Variants in DAB1 observed in about 807,000 individuals in gnomAD.
The protein encoded by DAB1 is disabled homolog 1.
A neutral mutation model predicts 64.6 loss-of-function variants in DAB1; 15 were observed. The ratio of observed to expected loss-of-function variants is 0.23; its 90% CI spans 0.16 to 0.36. DAB1 has a LOEUF of 0.36. Ranked by LOEUF, DAB1 falls within the 10% of genes least tolerant of loss-of-function variation. The pLI is 1.00. For missense variants in DAB1, 596 were observed against 706.7 expected (o/e 0.84, Z 1.78); for synonymous variants, 235 against 251.9 (o/e 0.93, Z 0.64).
intron 1 of DAB1, among the ~76,000 whole-genome samples, chr1:57,293,198 A>G (rs956379117): frequency 1.3e-5 from 2 of 152,004 alleles, no homozygotes; most frequent in South Asian, 4.2e-4. Context: ...CTATCTTTCT[A>G]TGGAATCTCT....
chr1:57,746,622 T>C (rs1028497708), intron 6 of DAB1, among the ~76,000 whole-genome samples: 3 of 152,220 alleles, frequency 2.0e-5, no homozygotes, highest in Non-Finnish European at 4.4e-5. Context: ...TCAAATCCTT[T>C]ATATAAAATG....
At chr1:58,367,667 C>T (rs961090860) in intron 3 of DAB1, among the ~76,000 whole-genome samples, 3 of 152,148 alleles carry the variant, frequency 2.0e-5, no homozygotes, top group Non-Finnish European at 4.4e-5. Flanking sequence ...GGTTTGCCTT[C>T]CTTTCCCACA....
chr1:58,122,741 G>T (rs1652827784), intron 5 of DAB1, among the ~76,000 whole-genome samples: 2 of 152,232 alleles, frequency 1.3e-5, no homozygotes, highest in Non-Finnish European at 1.5e-5. Context: ...TCATGTCTTT[G>T]TATAGGAAAG....
intron 5 of DAB1, among the ~76,000 whole-genome samples, chr1:58,021,372 G>A (rs1313884998): frequency 1.3e-5 from 2 of 152,198 alleles, no homozygotes; most frequent in Non-Finnish European, 2.9e-5. Context: ...GTATAAGGTA[G>A]TTACTTCATT....
At chr1:57,020,662 T>G (rs1398184242) in intron 11 of DAB1, among the ~76,000 whole-genome samples, 1 of 152,136 alleles carries the variant, frequency 6.6e-6, no homozygotes, top group Non-Finnish European at 1.5e-5. Flanking sequence ...GAAATCAGAG[T>G]AATCATAATA....
At chr1:57,821,999 C>T (rs150259606), downstream of DAB1, among the ~76,000 whole-genome samples, 60 of 152,314 alleles carry the variant, frequency 3.9e-4, no homozygotes, top group African/African-American at 1.4e-3. Context: ...TCAGCAAGGG[C>T]TATATCTCAT....
intron 3 of DAB1, among the ~76,000 whole-genome samples, chr1:58,464,508 G>A (rs1645275417): frequency 6.6e-6 from 1 of 152,166 alleles, no homozygotes; most frequent in Non-Finnish European, 1.5e-5. Flanking sequence ...AATAAGATGG[G>A]TAGGAATTCT....
At chr1:57,896,971 T>C (rs1644400800) in intron 5 of DAB1, among the ~76,000 whole-genome samples, 1 of 152,134 alleles carries the variant, frequency 6.6e-6, no homozygotes, top group Non-Finnish European at 1.5e-5. Context: ...AATTCAAAGA[T>C]GCTATCTGGC....
chr1:58,309,733 C>G (rs1353611669), intron 4 of DAB1, among the ~76,000 whole-genome samples: 1 of 152,044 alleles, frequency 6.6e-6, no homozygotes, highest in Non-Finnish European at 1.5e-5. Context: ...AATGAAGACC[C>G]TGAAATTGGC....
chr1:57,372,296 T>C (rs937617239), intron 1 of DAB1, among the ~76,000 whole-genome samples: 7 of 152,204 alleles, frequency 4.6e-5, no homozygotes, highest in African/African-American at 1.7e-4. Flanking sequence ...AGTCTGCCTT[T>C]GGATTTCCAC....
chr1:58,379,055 A>ACCCACTGGCCTGCG (rs1341340852), intron 3 of DAB1, among the ~76,000 whole-genome samples: 2 of 151,440 alleles, frequency 1.3e-5, no homozygotes, highest in African/African-American at 4.9e-5. Context: ...TGGTGCGCGC[A>ACCCACTGGCCTGCG]CCCACTGGCC....
intron 3 of DAB1, among the ~76,000 whole-genome samples, chr1:58,400,030 C>T (rs1442353747): frequency 6.6e-6 from 1 of 151,924 alleles, no homozygotes; most frequent in African/African-American, 2.4e-5. Context: ...AATTGAATTT[C>T]TCATAAGAAT....
At chr1:57,413,797 T>C (rs1252423825) in intron 1 of DAB1, among the ~76,000 whole-genome samples, 1 of 147,946 alleles carries the variant, frequency 6.8e-6, no homozygotes, top group Non-Finnish European at 1.5e-5. Flanking sequence ...ATTAAGAACA[T>C]TTGTGATTCA....
At chr1:57,887,405 C>T (rs1446503907), upstream of DAB1, among the ~76,000 whole-genome samples, 7 of 152,122 alleles carry the variant, frequency 4.6e-5, no homozygotes, top group African/African-American at 1.4e-4. Flanking sequence ...CATAAATACC[C>T]GAATGATAAC....
chr1:57,304,208 G>A (rs1673937127), intron 1 of DAB1, among the ~76,000 whole-genome samples: 1 of 152,152 alleles, frequency 6.6e-6, no homozygotes, highest in Non-Finnish European at 1.5e-5. Context: ...CAGGAGAGAA[G>A]GTGGGGGAGG....
chr1:57,175,429 T>C (rs1055558237), intron 2 of DAB1, among the ~76,000 whole-genome samples: 1 of 151,948 alleles, frequency 6.6e-6, no homozygotes, highest in Non-Finnish European at 1.5e-5. Flanking sequence ...TAAGGAACTC[T>C]GGGGGAGCCT....
intron 6 of DAB1, among the ~76,000 whole-genome samples, chr1:57,797,139 A>C (rs1308187439): frequency 6.6e-6 from 1 of 152,232 alleles, no homozygotes; most frequent in Non-Finnish European, 1.5e-5. Flanking sequence ...TTTGGCCTAA[A>C]GAAGGGAATA....
chr1:58,270,366 T>C, intron 4 of DAB1, among the ~76,000 whole-genome samples: 1 of 143,366 alleles, frequency 7.0e-6, no homozygotes, highest in Non-Finnish European at 1.5e-5. Flanking sequence ...GGCTCTGTTC[T>C]GTTCCATTGA....
chr1:57,922,891 C>G (rs1469129405), intron 5 of DAB1, among the ~76,000 whole-genome samples: 1 of 149,938 alleles, frequency 6.7e-6, no homozygotes. Context: ...TTTAAAGACC[C>G]TATTTCTCTT....
Sources: gnomAD v4.1 joint callset for allele counts (sites outside exome capture counted in the v4.1 genomes callset) on GRCh38, gnomAD v4.1.1 for gene constraint, MANE v1.5 for transcripts, NCBI Gene and HGNC (gene_info 2026-07-23, HGNC 2026-07-21) for gene names.